The following MICALL1 variants were observed in gnomAD, a reference collection of about 807,000 sequenced individuals.
MICALL1 encodes MICAL like 1.
MICALL1 carries 61 observed loss-of-function variants against 83.7 expected under a neutral mutation model. That is an observed-to-expected ratio of 0.73 (90% CI 0.59 to 0.90). The LOEUF (loss-of-function observed/expected upper bound fraction) is 0.90. Ranked by LOEUF, MICALL1 falls within the 40% of genes least tolerant of loss-of-function variation. The pLI is 0.00. For synonymous variants in MICALL1, 481 were observed against 473.6 expected (o/e 1.02, Z -0.20); for missense variants, 1,066 against 1,152.0 (o/e 0.93, Z 1.08).
intron 4 of MICALL1, among the ~76,000 whole-genome samples, chr22:37,918,347 A>G (rs1928806182): frequency 6.6e-6 from 1 of 152,226 alleles, no homozygotes; most frequent in Non-Finnish European, 1.5e-5. Flanking sequence ...TGAAGGGCTT[A>G]GAGGAAGTGA....
At chr22:37,911,602 T>A (rs890991386) in intron 1 of MICALL1, among the ~76,000 whole-genome samples, 3 of 152,202 alleles carry the variant, frequency 2.0e-5, no homozygotes, top group Non-Finnish European at 4.4e-5. Flanking sequence ...GTTATGTCTT[T>A]GCCACGGACT....
rs567670521 is a variant in MICALL1 at position 37,922,804 on chromosome 22, T to G, written c.1024+378T>G. On this transcript the variant is annotated intron_variant, in intron 6 of 15. Transcript: ENST00000215957. Reference sequence around the variant, plus strand: ...TTGTTTTGTTTTTTTTTGTTTTTTTTTTTTTTTTTTTTTAGTAGAGACGGG... The same window carrying G: ...TTGTTTTGTTTTTTTTTGTTTTTTTGTTTTTTTTTTTTTAGTAGAGACGGG... Among the ~76,000 whole-genome samples, 18 of 138,702 alleles carry G rather than the reference T, an allele frequency of 1.3e-4. No individual in the cohort carries two copies. The South Asian group carries it at 1.4e-3, about 11-fold the overall frequency. 91.0% of individuals were successfully genotyped at this position (138,702 alleles called of 152,430 possible). A position where few individuals can be genotyped will look rare whatever the true frequency, so the allele number is the denominator to read the frequency against.
intron 9 of MICALL1, among the ~76,000 whole-genome samples, chr22:37,929,430 G>C (rs117219387): frequency 6.6e-6 from 1 of 152,152 alleles, no homozygotes; most frequent in African/African-American, 2.4e-5. Flanking sequence ...GTGGGCAGGG[G>C]GTCAGCCCTC....
Position 37,930,681 on chromosome 22 carries a change from G to A in MICALL1, c.1882-1118G>A, listed in dbSNP as rs556493902. Among the ~76,000 whole-genome samples the A allele has an allele frequency of 6.6e-6, 1 of 152,236 alleles. No individual in the cohort carries two copies. The highest frequency in any genetic ancestry group is 1.5e-5 in the Non-Finnish European group (1 of 68,038). On this transcript the variant is annotated intron_variant, in intron 9 of 15. Transcript: ENST00000215957. This position sits in a 1 kb window ranked among gnomAD's most constrained non-coding sequence, Gnocchi z 4.8. ...CGTGCCCTGGCAGTGGAGCTGCCCG[G>A]CCTGTGCTGGCCTCAGAGAGGGCGG...
intron 8 of MICALL1, chr22:37,927,161 G>T (rs144336632): frequency 0.014 from 6,988 of 494,428 alleles, 76 homozygotes; most frequent in Non-Finnish European, 0.02. Context: ...TGGGGGCTAT[G>T]GGGAGTGTGG....
chr22:37,922,388 ACCTGGTGGAGCAGGCTGGCAGCAGCAG>A lies in MICALL1; in HGVS notation c.994_1020del (p.Glu332_Val340del). On this transcript the variant is annotated inframe_deletion, in exon 6 of 16. Transcript: ENST00000215957. ...CCCCGCTCCAGTCTGCAGCAGGAGA[ACCTGGTGGAGCAGGCTGGCAGCAGCAG>A]CCTGGTGAACGGTGAGCAGGGTGCA... The A allele has an allele frequency of 6.5e-7, 1 of 1,534,428 alleles. No individual in the cohort carries two copies. Among genetic ancestry groups the A allele is most frequent in the Non-Finnish European group, 8.7e-7 (1 of 1,143,610 alleles).
intron 2 of MICALL1, 89 bp from the exon 3 acceptor site, chr22:37,912,262 A>G: frequency 6.8e-7 from 1 of 1,478,606 alleles, no homozygotes; most frequent in Non-Finnish European, 9.2e-7. Flanking sequence ...CACTGAAGGG[A>G]GCTGGGCCTA....
At position 37,932,938 on chromosome 22, in the gene MICALL1, A is replaced by G. The variant is rs1304324115; in HGVS notation, c.2234+50A>G. ...CCTCCCTGGAATCCGTAGAGCTTAG[A>G]ATGGAGAACCCTTACCCTCTTCCCT... is the stretch of plus-strand genomic sequence containing the variant. On this transcript the variant is annotated intron_variant, in intron 12 of 15. Transcript: ENST00000215957. The surrounding 1 kb of genome is among the most constrained non-coding windows in gnomAD (Gnocchi z 4.4). 6.2e-7 allele frequency: 1 copy of G among 1,612,662 alleles called. No individual in the cohort carries two copies. Among genetic ancestry groups the G allele is most frequent in the Admixed American group, 1.7e-5 (1 of 59,984 alleles).
At position 37,917,728 on chromosome 22, in the gene MICALL1, A is replaced by G; in HGVS notation, c.359A>G (p.Lys120Arg). 1 of 1,613,824 alleles carries G rather than the reference A, an allele frequency of 6.2e-7. No individual in the cohort carries two copies. ...GCAGCTGGTGTCTCGCCACCCAGAAAGGGCCTTGCACCCTGTTCCCCGCCG... is the reference window on the plus strand; with the variant it reads ...GCAGCTGGTGTCTCGCCACCCAGAAGGGGCCTTGCACCCTGTTCCCCGCCG... ...PGQAGVSPPR[K>R]GLAPCSPPSV... Residue 120 changes from lysine (K) to arginine (R), a missense_variant, in exon 4 of 16, where the codon AAG (lysine) becomes AGG (arginine). Lys to Arg is a conservative substitution (Grantham distance 26). Transcript: ENST00000215957.
At chr22:37,928,106 C>T (rs886524179) in intron 9 of MICALL1, among the ~76,000 whole-genome samples, 2 of 152,074 alleles carry the variant, frequency 1.3e-5, no homozygotes, top group Non-Finnish European at 2.9e-5. Context: ...GGGGTTTTCA[C>T]CCCGTTAGCC....
At chr22:37,934,581 G>GTATT (rs1555927082) in intron 13 of MICALL1, among the ~76,000 whole-genome samples, 5 of 148,304 alleles carry the variant, frequency 3.4e-5, no homozygotes, top group Non-Finnish European at 6.0e-5. Flanking sequence ...TTGGGGGGGG[G>GTATT]TATTTATTTA....
chr22:37,938,429 C>T (rs1930256287), intron 15 of MICALL1, among the ~76,000 whole-genome samples: 1 of 147,572 alleles, frequency 6.8e-6, no homozygotes, highest in Non-Finnish European at 1.5e-5. Context: ...AAGTACTGGA[C>T]TGTAAGTCAA....
intron 3 of MICALL1, among the ~76,000 whole-genome samples, chr22:37,915,497 G>A (rs1161343527): frequency 6.6e-6 from 1 of 152,070 alleles, no homozygotes; most frequent in East Asian, 1.9e-4. Context: ...TTTCCTCTTT[G>A]GGTGACCATG....
chr22:37,933,106 A>G lies in MICALL1; in HGVS notation c.2302A>G (p.Lys768Glu). 1 of 1,613,600 alleles carries G rather than the reference A, an allele frequency of 6.2e-7. No homozygotes were observed. The highest frequency in any genetic ancestry group is 8.5e-7 in the Non-Finnish European group (1 of 1,179,920). ...VEYELRCLLN[K>E]PEKDWTEEDR... is the part of the protein sequence containing the mutation. ...GTATGAGCTCCGGTGCCTCCTCAATAAGCCAGGTGAGTGCAGCCACTGGCA... is the reference window on the plus strand; with the variant it reads ...GTATGAGCTCCGGTGCCTCCTCAATGAGCCAGGTGAGTGCAGCCACTGGCA... The change falls in exon 13 of 16, where the codon AAG becomes GAG. Residue 768 changes from lysine to glutamate, a missense_variant. Transcript: ENST00000215957.
chr22:37,932,709 GTGGGGC>G lies in MICALL1; in HGVS notation c.2143+36_2143+41del. 4.3e-6 allele frequency: 7 copies of G among 1,612,292 alleles called. No homozygotes were observed. Among genetic ancestry groups the G allele is most frequent in the Non-Finnish European group, 5.1e-6 (6 of 1,179,358 alleles). On this transcript the variant is annotated intron_variant, in intron 11 of 15. Coordinates refer to ENST00000215957, the MANE Select transcript of MICALL1 (RefSeq NM_033386.4). This position sits in a 1 kb window ranked among gnomAD's most constrained non-coding sequence, Gnocchi z 4.4. ...GGGAGCGGCTGGGAGGGCCTGCTGG[GTGGGGC>G]TGGGGGCAGGAGCCTCTATTCCCCG...
At chr22:37,923,636 C>T (rs1180755060) in intron 6 of MICALL1, among the ~76,000 whole-genome samples, 1 of 152,222 alleles carries the variant, frequency 6.6e-6, no homozygotes, top group African/African-American at 2.4e-5. Context: ...AGGCCCCGCC[C>T]TTACACTGCC....
chr22:37,939,503 C>T (rs555130188), intron 15 of MICALL1, among the ~76,000 whole-genome samples: 1 of 152,138 alleles, frequency 6.6e-6, no homozygotes, highest in Non-Finnish European at 1.5e-5. Context: ...GGGCCAGGCG[C>T]GGTGGCTCAC....
rs956059933 is a variant in MICALL1, at chr22:37,906,720, G to T, written c.146+152G>T. ...CCCCGACGGCCCCGGACGCCGGGCG[G>T]GTCCCTGAGACCCCGGCCCAGGGCG... On this transcript the variant is annotated intron_variant, in intron 1 of 15. Coordinates refer to ENST00000215957, the MANE Select transcript of MICALL1 (RefSeq NM_033386.4). The surrounding 1 kb of genome is among the most constrained non-coding windows in gnomAD (Gnocchi z 4.4). 1 of 718,412 alleles carries T rather than the reference G, an allele frequency of 1.4e-6. No homozygotes were observed. Among genetic ancestry groups the T allele is most frequent in the Middle Eastern group, 5.7e-4 (1 of 1,760 alleles). The allele number at this position is 718,412 out of a possible 1,614,324, so 44.5% of individuals were successfully genotyped here. A position where few individuals can be genotyped will look rare whatever the true frequency, so the allele number is the denominator to read the frequency against.
chr22:37,925,622 C>G (rs1042471735), intron 7 of MICALL1, 39 bp from the exon 8 acceptor site: 11 of 1,541,472 alleles, frequency 7.1e-6, no homozygotes, highest in Non-Finnish European at 8.9e-6. Context: ...CTGACCCTTG[C>G]CTCTGCTAAT....
Sources: gnomAD v4.1 joint callset for allele counts (sites outside exome capture counted in the v4.1 genomes callset) on GRCh38, gnomAD v4.1.1 for gene constraint, Gnocchi (gnomAD v3.1) non-coding constraint, MANE v1.5 for transcripts, NCBI Gene and HGNC (gene_info 2026-07-23, HGNC 2026-07-21) for gene names.